CPD: variants seen among roughly 807,000 people sequenced by gnomAD.
The protein encoded by CPD is metallocarboxypeptidase D.
A neutral mutation model predicts 138.3 loss-of-function variants in CPD; 69 were observed. That is an observed-to-expected ratio of 0.50 (90% CI 0.41 to 0.61). The LOEUF is 0.61. CPD is among the 20% of genes least tolerant of loss of function. The pLI is 0.00. For missense variants in CPD, 1,432 were observed against 1,733.3 expected (o/e 0.83, Z 3.09); for synonymous variants, 651 against 642.1 (o/e 1.01, Z -0.21).
At chr17:30,385,642 TTAAC>T (rs1300507281) in intron 2 of CPD, among the ~76,000 whole-genome samples, 18 of 152,134 alleles carry the variant, frequency 1.2e-4, no homozygotes, top group African/African-American at 3.6e-4. Flanking sequence ...ATTTTCCTGT[TTAAC>T]TATATACTAT....
intron 2 of CPD, among the ~76,000 whole-genome samples, chr17:30,386,091 A>T (rs1456705692): frequency 6.6e-6 from 1 of 152,144 alleles, no homozygotes; most frequent in East Asian, 1.9e-4. Flanking sequence ...GTGCAATAGT[A>T]CAATCATAGC....
At chr17:30,434,166 G>A (rs1322222717) in intron 8 of CPD, among the ~76,000 whole-genome samples, 1 of 152,172 alleles carries the variant, frequency 6.6e-6, no homozygotes, top group Non-Finnish European at 1.5e-5. Context: ...TGATGGCTAT[G>A]TGATAACCTA....
Position 30,457,665 on chromosome 17 carries a change from G to GT in CPD, c.3498+1152dup, listed in dbSNP as rs907977672. ...TCTCCTCACCAACACTTATTTGCTG[G>GT]TTTTTTTTTTTTTAAACAGAGTCTC... On this transcript the variant is annotated intron_variant, in intron 17 of 20. Transcript: ENST00000225719. 8.7e-3 allele frequency among the ~76,000 whole-genome samples: 1,261 copies of GT among 144,450 alleles called. 12 individuals carry two copies. Among genetic ancestry groups the GT allele is most frequent in the African/African-American group, 0.025 (973 of 39,670 alleles). The allele number at this position is 144,450 out of a possible 152,430, so 94.8% of individuals were successfully genotyped here.
chr17:30,469,957 T>C lies in CPD; in HGVS notation c.*5143T>C, dbSNP rs1321030159. ...TTTCAGATTTATAATAGCTGATTGT[T>C]CTCAGCAAATTAAACATGATGGTCA... On this transcript the variant is annotated 3_prime_UTR_variant, in exon 21 of 21. Coordinates refer to ENST00000225719, the MANE Select transcript of CPD (RefSeq NM_001304.5). 6.6e-6 allele frequency: 1 copy of C among 152,126 alleles called. No individual in the cohort carries two copies. Among genetic ancestry groups the C allele is most frequent in the Non-Finnish European group, 1.5e-5 (1 of 68,000 alleles). 9.4% of individuals were successfully genotyped at this position (152,126 alleles called of 1,614,324 possible).
At chr17:30,384,399 A>G (rs1371427559) in intron 1 of CPD, among the ~76,000 whole-genome samples, 1 of 152,198 alleles carries the variant, frequency 6.6e-6, no homozygotes, top group Non-Finnish European at 1.5e-5. Context: ...CCTAACATAT[A>G]TGCAATGAAT....
In CPD at chr17:30,467,638, CTA is replaced by C. The variant is rs1913678249; in HGVS notation, c.*2826_*2827del. 6.6e-6 allele frequency: 1 copy of C among 152,062 alleles called. No individual in the cohort carries two copies. Among genetic ancestry groups the C allele is most frequent in the Admixed American group, 6.6e-5 (1 of 15,260 alleles). 9.4% of individuals were successfully genotyped at this position (152,062 alleles called of 1,614,324 possible). A position where few individuals can be genotyped will look rare whatever the true frequency, so the allele number is the denominator to read the frequency against. On this transcript the variant is annotated 3_prime_UTR_variant, in exon 21 of 21. Transcript: ENST00000225719. ...TGAATGGGATTTGCTGAATTAATGA[CTA>C]TTGAATTTAAAACTAATTATGAGTT...
intron 2 of CPD, among the ~76,000 whole-genome samples, chr17:30,394,494 GTTTT>G (rs924183710): frequency 2.0e-5 from 3 of 152,088 alleles, no homozygotes; most frequent in Non-Finnish European, 4.4e-5. Flanking sequence ...GTTGTTAATA[GTTTT>G]TTTGTTTCCT....
At chr17:30,390,518 T>C (rs1037725418) in intron 2 of CPD, among the ~76,000 whole-genome samples, 5 of 152,222 alleles carry the variant, frequency 3.3e-5, no homozygotes, top group African/African-American at 1.2e-4. Context: ...GTGCCACATA[T>C]ACTGTATTAG....
Position 30,385,206 on chromosome 17 carries a change from A to T in CPD, c.964A>T (p.Thr322Ser), listed in dbSNP as rs1911147684. The change falls in exon 2 of 21, where the codon ACA (threonine) becomes TCA (serine). Residue 322 changes from threonine to serine, a missense_variant. Physicochemically the swap from Thr to Ser is moderately conservative, Grantham distance 58 (BLOSUM62 1). Transcript: ENST00000225719. ...AGACGAGACTTTCAAAGATGGAATC[A>T]CAAACGGCGCACATTGGTATGATGT... is the stretch of plus-strand genomic sequence containing the variant. Reference protein sequence around the residue: ...DEDETFKDGITNGAHWYDVEG... With the variant: ...DEDETFKDGISNGAHWYDVEG... The T allele has an allele frequency of 2.5e-6, 4 of 1,614,118 alleles. No individual in the cohort carries two copies. The East Asian group carries it at 8.9e-5, about 36-fold the overall frequency.
In CPD at chr17:30,456,520, C is replaced by T; in HGVS notation, c.3492C>T (p.Ser1164=). 6.2e-7 allele frequency: 1 copy of T among 1,613,848 alleles called. No homozygotes were observed. Among genetic ancestry groups the T allele is most frequent in the Non-Finnish European group, 8.5e-7 (1 of 1,179,804 alleles). The change falls in exon 17 of 21, where the codon AGC becomes AGT. Residue 1164 remains serine, a synonymous_variant. Transcript: ENST00000225719. ...RGAEWHSHLG[S]MKDYSVTYGH... ...CAGAATGGCATAGTCACCTGGGCAGCATGAAGGTATGCTTTCTAGAACATG... is the reference window on the plus strand; with the variant it reads ...CAGAATGGCATAGTCACCTGGGCAGTATGAAGGTATGCTTTCTAGAACATG...
At chr17:30,431,393 A>G (rs1449953960) in intron 7 of CPD, among the ~76,000 whole-genome samples, 3 of 152,108 alleles carry the variant, frequency 2.0e-5, no homozygotes, top group Non-Finnish European at 4.4e-5. Context: ...ATTTTCCCCC[A>G]TTCTATAGGT....
chr17:30,396,000 C>G (rs1911497445), intron 2 of CPD, among the ~76,000 whole-genome samples: 3 of 152,020 alleles, frequency 2.0e-5, no homozygotes, highest in African/African-American at 7.2e-5. Context: ...TTTTTAAGAG[C>G]AACCTCTGAT....
At chr17:30,426,954 G>A (rs373569494) in intron 6 of CPD, among the ~76,000 whole-genome samples, 3 of 152,122 alleles carry the variant, frequency 2.0e-5, no homozygotes, top group East Asian at 3.9e-4. Context: ...GCTGAGGGGG[G>A]TGGGTCACCT....
chr17:30,433,996 C>CAAA (rs751135417), intron 8 of CPD, among the ~76,000 whole-genome samples: 4 of 152,124 alleles, frequency 2.6e-5, no homozygotes, highest in Non-Finnish European at 5.9e-5. Flanking sequence ...CACTCACAGC[C>CAAA]TTTTTTCTCT....
In CPD at chr17:30,461,245, T is replaced by G; in HGVS notation, c.3564T>G (p.Pro1188=). The change falls in exon 18 of 21, where the codon CCT becomes CCG. Residue 1188 remains proline (P), a synonymous_variant. Transcript: ENST00000225719. ...ITVYTSCCYF[P]SAARLPSLWA... is the part of the protein sequence containing the mutation. ...TATACACAAGCTGCTGTTACTTTCC[T>G]AGTGCTGCACGACTCCCTTCCTTGT... The G allele has an allele frequency of 6.2e-7, 1 of 1,612,658 alleles. No homozygotes were observed. The highest frequency in any genetic ancestry group is 8.5e-7 in the Non-Finnish European group (1 of 1,179,264).
chr17:30,464,903 C>A lies in CPD; in HGVS notation c.*89C>A. 9.9e-7 allele frequency: 1 copy of A among 1,005,286 alleles called. No individual in the cohort carries two copies. Among genetic ancestry groups the A allele is most frequent in the Non-Finnish European group, 1.5e-6 (1 of 658,288 alleles). The allele number at this position is 1,005,286 out of a possible 1,614,324, so 62.3% of individuals were successfully genotyped here. Reference sequence around the variant, plus strand: ...ACACTGCATTAAGAAGAGAGACTCTCTTGCTTCTTCAAAGAGCTTTGGGAA... The same window carrying A: ...ACACTGCATTAAGAAGAGAGACTCTATTGCTTCTTCAAAGAGCTTTGGGAA... On this transcript the variant is annotated 3_prime_UTR_variant, in exon 21 of 21. Coordinates refer to ENST00000225719, the MANE Select transcript of CPD (RefSeq NM_001304.5).
rs766061903 is a variant in CPD at position 30,461,992 on chromosome 17, A to G, written c.3746A>G (p.His1249Arg). Residue 1249 changes from histidine (H) to arginine (R), a missense_variant, in exon 19 of 21, where the codon CAT becomes CGT. His to Arg is a conservative substitution (Grantham distance 29). This residue lies in a region of CPD where 366 missense variants were observed against 518.8 expected (regional missense o/e 0.71). Coordinates refer to ENST00000225719, the MANE Select transcript of CPD (RefSeq NM_001304.5). ...CAAACAAAAGAGGGAGGTTATTTCCATGTACTCTTAGCGCCAGGTGTCCAT... is the reference window on the plus strand; with the variant it reads ...CAAACAAAAGAGGGAGGTTATTTCCGTGTACTCTTAGCGCCAGGTGTCCAT... ...KVQTKEGGYF[H>R]VLLAPGVHNI... The G allele has an allele frequency of 3.4e-5, 55 of 1,613,912 alleles. No homozygotes were observed. In the East Asian group the frequency reaches 1.1e-3, roughly 32 times the overall value.
chr17:30,428,282 T>C (rs1261012823), intron 7 of CPD, among the ~76,000 whole-genome samples: 1 of 152,180 alleles, frequency 6.6e-6, no homozygotes, highest in Admixed American at 6.5e-5. Flanking sequence ...AGAGTGAAGA[T>C]ATCAGTACCC....
In CPD at chr17:30,456,795, C is replaced by T. The variant is rs546339958; in HGVS notation, c.3498+269C>T. ...AGGCGGAGGTTGCAGTGAGTCGAGCCGAGATCGCACTACTGCACTCCAGCC... is the reference window on the plus strand; with the variant it reads ...AGGCGGAGGTTGCAGTGAGTCGAGCTGAGATCGCACTACTGCACTCCAGCC... On this transcript the variant is annotated intron_variant, in intron 17 of 20. Coordinates refer to ENST00000225719, the MANE Select transcript of CPD (RefSeq NM_001304.5). 8.2e-5 allele frequency: 24 copies of T among 293,490 alleles called. No individual in the cohort carries two copies. The East Asian group carries it at 1.3e-3, about 15-fold the overall frequency. 18.2% of individuals were successfully genotyped at this position (293,490 alleles called of 1,614,324 possible). A position where few individuals can be genotyped will look rare whatever the true frequency, so the allele number is the denominator to read the frequency against.
Sources: gnomAD v4.1 joint callset for allele counts (sites outside exome capture counted in the v4.1 genomes callset) on GRCh38, gnomAD v4.1.1 for gene constraint, gnomAD v4.1.1 regional missense constraint, MANE v1.5 for transcripts, NCBI Gene and HGNC (gene_info 2026-07-23, HGNC 2026-07-21) for gene names.